The following ABL1 variants were observed in gnomAD, a reference collection of about 807,000 sequenced individuals.
ABL1 encodes the protein ABL proto-oncogene 1, non-receptor tyrosine kinase, also known as tyrosine-protein kinase ABL1.
ABL1 carries 11 observed loss-of-function variants against 94.7 expected under a neutral mutation model. The ratio of observed to expected loss-of-function variants is 0.12; its 90% confidence interval spans 0.07 to 0.19. The LOEUF (loss-of-function observed/expected upper bound fraction) is 0.19, where lower values mean the gene tolerates loss of function less well. Ranked by LOEUF, ABL1 falls within the 10% of genes least tolerant of loss-of-function variation. The pLI, the probability that ABL1 is intolerant of heterozygous loss-of-function variation, is 1.00. For synonymous variants in ABL1, 656 were observed against 622.4 expected (o/e 1.05, Z -0.80); for missense variants, 1,082 against 1,489.4 (o/e 0.73, Z 4.50).
intron 1 of ABL1, among the ~76,000 whole-genome samples, chr9:130,763,491 G>C (rs1217214065): frequency 6.6e-6 from 1 of 152,172 alleles, no homozygotes. Context: ...GGTTAGCTGA[G>C]TGGTTCTAGC....
chr9:130,872,336 C>A lies in ABL1; in HGVS notation c.907+123C>A. ...CCTCGTTGGAATATTTGTGCTCTGC[C>A]GACGTTCAGCCGCGGGTAAAATGAG... On this transcript the variant is annotated intron_variant, in intron 5 of 10. Coordinates refer to ENST00000318560, the MANE Select transcript of ABL1 (RefSeq NM_005157.6). The surrounding 1 kb of genome is among the most constrained non-coding windows in gnomAD (Gnocchi z 5.0). The A allele has an allele frequency of 1.2e-6, 1 of 859,528 alleles. No individual in the cohort carries two copies. The highest frequency in any genetic ancestry group is 1.8e-6 in the Non-Finnish European group (1 of 551,716). The allele number at this position is 859,528 out of a possible 1,614,324, so 53.2% of individuals were successfully genotyped here.
intron 7 of ABL1, among the ~76,000 whole-genome samples, chr9:130,875,928 A>G (rs2133007196): frequency 6.6e-6 from 1 of 152,184 alleles, no homozygotes; most frequent in East Asian, 1.9e-4. Flanking sequence ...TCTGGTTTCA[A>G]GCGATTCTCC....
upstream of ABL1, among the ~76,000 whole-genome samples, chr9:130,831,425 T>A (rs773431122): frequency 7.2e-5 from 11 of 152,080 alleles, no homozygotes; most frequent in Non-Finnish European, 1.0e-4. Flanking sequence ...AAAAAAAAAA[T>A]TCAGTCTCTC....
chr9:130,871,979 A>C (rs1831257875), intron 4 of ABL1, 150 bp from the exon 5 acceptor site: 1 of 644,560 alleles, frequency 1.6e-6, no homozygotes, highest in African/African-American at 1.8e-5. Context: ...GTCAGCTGTC[A>C]TGGAACCTGT....
At chr9:130,843,002 T>C (rs1233619493) in intron 1 of ABL1, among the ~76,000 whole-genome samples, 2 of 152,244 alleles carry the variant, frequency 1.3e-5, no homozygotes, top group Non-Finnish European at 2.9e-5. Context: ...AACAAATCAT[T>C]ATGTTCCCTA....
intron 1 of ABL1, among the ~76,000 whole-genome samples, chr9:130,845,313 C>T (rs1830747162): frequency 6.6e-6 from 1 of 151,988 alleles, no homozygotes; most frequent in Non-Finnish European, 1.5e-5. Flanking sequence ...CATCCTAACT[C>T]CTATCCCCAT....
At position 130,872,581 on chromosome 9, in the gene ABL1, G is replaced by A. The variant is rs190133848; in HGVS notation, c.908-279G>A. Reference sequence around the variant, plus strand: ...CATTCAGGGGTAAACTGACGGTGGTGAAGGTCATTTGAGGTGGGGCCAGGT... The same window carrying A: ...CATTCAGGGGTAAACTGACGGTGGTAAAGGTCATTTGAGGTGGGGCCAGGT... On this transcript the variant is annotated intron_variant, in intron 5 of 10. Coordinates refer to ENST00000318560, the MANE Select transcript of ABL1 (RefSeq NM_005157.6). This position sits in a 1 kb window ranked among gnomAD's most constrained non-coding sequence, Gnocchi z 5.0. Among the ~76,000 whole-genome samples the A allele has an allele frequency of 5.4e-4, 82 of 152,320 alleles. No homozygotes were observed. Among genetic ancestry groups the A allele is most frequent in the Non-Finnish European group, 9.0e-4 (61 of 68,032 alleles).
chr9:130,767,601 G>A (rs1202418331), intron 1 of ABL1, among the ~76,000 whole-genome samples: 1 of 152,214 alleles, frequency 6.6e-6, no homozygotes, highest in Non-Finnish European at 1.5e-5. Context: ...CCAAAGTGCT[G>A]GGATTACAGG....
At chr9:130,811,890 C>T (rs57709280) in intron 1 of ABL1, among the ~76,000 whole-genome samples, 4,506 of 118,130 alleles carry the variant, frequency 0.038, 255 homozygotes, top group African/African-American at 0.14. Context: ...GTAGTCTGAG[C>T]GACAGAGTGA....
chr9:130,839,163 G>A (rs1157576379), intron 1 of ABL1, among the ~76,000 whole-genome samples: 2 of 151,250 alleles, frequency 1.3e-5, no homozygotes, highest in Non-Finnish European at 2.9e-5. Flanking sequence ...CTGGCCTCAA[G>A]TGATCCTCCC....
intron 4 of ABL1, among the ~76,000 whole-genome samples, chr9:130,864,654 G>A (rs1831126739): frequency 1.3e-5 from 2 of 152,190 alleles, no homozygotes; most frequent in Non-Finnish European, 2.9e-5. Flanking sequence ...TTCTTCATCT[G>A]AGACATAGGG....
rs763843936 is a variant in ABL1, at chr9:130,788,288, A to G, written c.137-65776A>G. 3.5e-4 allele frequency among the ~76,000 whole-genome samples: 53 copies of G among 152,216 alleles called. 1 individual carries two copies. The highest frequency in any genetic ancestry group is 6.9e-4 in the Non-Finnish European group (47 of 68,038). On this transcript the variant is annotated intron_variant, in intron 1 of 10. Coordinates refer to the ABL1 transcript ENST00000372348. ...TGTCCTTTACTTAGTTCGAGTCATC[A>G]ATTTTTAACGTATTGCTACATTACA... is the stretch of plus-strand genomic sequence containing the variant.
At chr9:130,876,097 A>T (rs1041789540) in intron 7 of ABL1, among the ~76,000 whole-genome samples, 1 of 152,114 alleles carries the variant, frequency 6.6e-6, no homozygotes. Flanking sequence ...AAGTGCTGGG[A>T]TTACAGGCGT....
chr9:130,831,228 A>T (rs189721833), upstream of ABL1, among the ~76,000 whole-genome samples: 28 of 152,242 alleles, frequency 1.8e-4, no homozygotes, highest in African/African-American at 6.5e-4. Context: ...ACCTGGGGTC[A>T]CCTTGTCCTG....
At position 130,885,830 on chromosome 9, in the gene ABL1, T is replaced by G. The variant is rs1005884933; in HGVS notation, c.*147T>G. On this transcript the variant is annotated 3_prime_UTR_variant, in exon 11 of 11. Coordinates refer to ENST00000318560, the MANE Select transcript of ABL1 (RefSeq NM_005157.6). ...GCGCCAGGCAGAGCTGAGGGCCCTG[T>G]GGAGTCCAGCTCTACTACCTACGTT... 8.2e-6 allele frequency: 9 copies of G among 1,100,876 alleles called. No individual in the cohort carries two copies. The highest frequency in any genetic ancestry group is 1.1e-5 in the Non-Finnish European group (9 of 791,854). The allele number at this position is 1,100,876 out of a possible 1,614,324, so 68.2% of individuals were successfully genotyped here.
At chr9:130,734,668 T>C (rs1588215383) in intron 1 of ABL1, among the ~76,000 whole-genome samples, 1 of 151,306 alleles carries the variant, frequency 6.6e-6, no homozygotes, top group African/African-American at 2.4e-5. Flanking sequence ...ATCACAGGCG[T>C]GTGCCACCAA....
intron 1 of ABL1, among the ~76,000 whole-genome samples, chr9:130,769,648 T>TTATTG (rs751366777): frequency 7.9e-5 from 12 of 152,262 alleles, no homozygotes; most frequent in South Asian, 4.1e-4. Context: ...CCCTAGTCTT[T>TTATTG]TATTGTATTG....
At chr9:130,719,299 CAT>C (rs767859270) in intron 1 of ABL1, among the ~76,000 whole-genome samples, 11 of 152,140 alleles carry the variant, frequency 7.2e-5, no homozygotes, top group African/African-American at 9.7e-5. Context: ...GAGGTTGACA[CAT>C]GTGGATCACC....
intron 1 of ABL1, among the ~76,000 whole-genome samples, chr9:130,845,922 CTG>C (rs1158912004): frequency 6.6e-6 from 1 of 151,856 alleles, no homozygotes; most frequent in African/African-American, 2.4e-5. Context: ...GCTGTTGAGT[CTG>C]TAAGTTTTCA....
Sources: allele counts gnomAD v4.1 joint callset (sites outside exome capture counted in the v4.1 genomes callset), GRCh38; gene constraint gnomAD v4.1.1; non-coding constraint Gnocchi (gnomAD v3.1); transcripts MANE v1.5; gene names NCBI Gene and HGNC (gene_info 2026-07-23, HGNC 2026-07-21).